Variants in ACSBG2 observed in about 807,000 individuals in gnomAD.
ACSBG2 encodes the protein acyl-CoA synthetase bubblegum family member 2, also known as long-chain-fatty-acid--CoA ligase ACSBG2.
ACSBG2 carries 62 observed loss-of-function variants against 74.7 expected under a neutral mutation model. That is an observed-to-expected ratio of 0.83 (90% CI 0.68 to 1.03). ACSBG2 has a LOEUF of 1.03. Ranked by LOEUF, ACSBG2 falls within the 50% of genes least tolerant of loss-of-function variation. The pLI is 0.00. For synonymous variants in ACSBG2, 309 were observed against 294.1 expected (o/e 1.05, Z -0.52); for missense variants, 730 against 817.6 (o/e 0.89, Z 1.31).
intron 1 of ACSBG2, among the ~76,000 whole-genome samples, chr19:6,141,019 C>T (rs74551154): frequency 0.036 from 5,497 of 152,184 alleles, 205 homozygotes; most frequent in African/African-American, 0.1. Context: ...AGCTTTTATA[C>T]TTTGGATGTA....
rs371867923 is a variant in ACSBG2 at position 6,138,272 on chromosome 19, C to T, written c.-32+2363C>T. 1.7e-4 allele frequency among the ~76,000 whole-genome samples: 26 copies of T among 152,086 alleles called. 1 individual carries two copies. Among genetic ancestry groups the T allele is most frequent in the East Asian group, 7.7e-4 (4 of 5,166 alleles). ...ACACAGTCAGTGGTGGAGTTCTTGG[C>T]GGCCTCGTGCACATCTTGTTTGAAT... On this transcript the variant is annotated intron_variant, in intron 1 of 14. Transcript: ENST00000588485.
intron 6 of ACSBG2, among the ~76,000 whole-genome samples, chr19:6,164,698 G>A (rs531643756): frequency 4.6e-4 from 70 of 152,232 alleles, no homozygotes; most frequent in Admixed American, 4.1e-3. Flanking sequence ...CCCAGTGCTG[G>A]GATTACAGGT....
intron 7 of ACSBG2, among the ~76,000 whole-genome samples, chr19:6,172,979 C>A (rs1347205421): frequency 6.6e-6 from 1 of 152,140 alleles, no homozygotes; most frequent in East Asian, 1.9e-4. Flanking sequence ...TTTATAAAGG[C>A]TTCATCCTTT....
At chr19:6,156,371 A>G (rs542485720) in intron 4 of ACSBG2, 60 bp from the exon 5 acceptor site, 301 of 1,513,936 alleles carry the variant, frequency 2.0e-4, no homozygotes, top group Non-Finnish European at 2.5e-4. Context: ...TTGACCTTCC[A>G]GACCATTCTG....
chr19:6,186,476 T>C (rs2090411893), intron 11 of ACSBG2, among the ~76,000 whole-genome samples: 2 of 152,226 alleles, frequency 1.3e-5, no homozygotes, highest in Non-Finnish European at 2.9e-5. Flanking sequence ...CTATGGGCCA[T>C]AGTTTGCCAA....
At chr19:6,159,280 G>A (rs1489044300) in intron 5 of ACSBG2, among the ~76,000 whole-genome samples, 3 of 152,070 alleles carry the variant, frequency 2.0e-5, no homozygotes, top group Admixed American at 1.3e-4. Flanking sequence ...GTGATGCATC[G>A]GTGGTTCCCA....
intron 14 of ACSBG2, 116 bp downstream of exon 14, chr19:6,190,808 T>TAAATAC: frequency 5.2e-6 from 2 of 387,400 alleles, no homozygotes; most frequent in Non-Finnish European, 9.4e-6. Flanking sequence ...CATACACACA[T>TAAATAC]ACATACACAC....
chr19:6,170,140 T>G (rs1187253291), intron 7 of ACSBG2, among the ~76,000 whole-genome samples: 1 of 152,130 alleles, frequency 6.6e-6, no homozygotes, highest in Non-Finnish European at 1.5e-5. Flanking sequence ...GTGGTGAAAG[T>G]GGATATCCTT....
At chr19:6,147,809 T>C in intron 3 of ACSBG2, 134 bp downstream of exon 3, 1 of 882,190 alleles carries the variant, frequency 1.1e-6, no homozygotes, top group South Asian at 1.6e-5. Context: ...TCCCTCTGAT[T>C]CATGAGCCTC....
chr19:6,136,290 C>T (rs1377060810), intron 1 of ACSBG2, among the ~76,000 whole-genome samples: 4 of 152,254 alleles, frequency 2.6e-5, no homozygotes, highest in African/African-American at 9.6e-5. Context: ...GATGGGGTTT[C>T]ACCACATTAG....
At chr19:6,144,529 G>A (rs2088960587) in intron 2 of ACSBG2, among the ~76,000 whole-genome samples, 1 of 152,170 alleles carries the variant, frequency 6.6e-6, no homozygotes, top group African/African-American at 2.4e-5. Context: ...GCCTCAGAAG[G>A]AACCAGTGCT....
chr19:6,147,072 G>A (rs995843546), intron 2 of ACSBG2, among the ~76,000 whole-genome samples: 14 of 152,120 alleles, frequency 9.2e-5, no homozygotes, highest in African/African-American at 3.1e-4. Context: ...GTGCACTCCA[G>A]CCTGCTGACA....
At chr19:6,176,539 A>C in intron 7 of ACSBG2, 8 of 349,850 alleles carry the variant, frequency 2.3e-5, no homozygotes, top group East Asian at 6.9e-5. Flanking sequence ...AGCACAGACA[A>C]TGGACATCTG....
intron 1 of ACSBG2, among the ~76,000 whole-genome samples, chr19:6,140,866 G>C (rs561391220): frequency 7.9e-5 from 12 of 152,298 alleles, no homozygotes; most frequent in African/African-American, 2.9e-4. Flanking sequence ...TCATAGGACT[G>C]AGTTTGAGCA....
Position 6,161,277 on chromosome 19 carries a change from G to C in ACSBG2, c.570G>C (p.Lys190Asn), listed in dbSNP as rs768800626. 1.9e-6 allele frequency: 3 copies of C among 1,610,084 alleles called. No homozygotes were observed. The highest frequency in any genetic ancestry group is 1.3e-5 in the African/African-American group (1 of 74,928). The change falls in exon 6 of 15, where the codon AAG (lysine) becomes AAC (asparagine). Residue 190 changes from lysine (K) to asparagine (N), a missense_variant. Coordinates refer to ENST00000588485, the MANE Select transcript of ACSBG2 (RefSeq NM_030924.5). ...AIIQYRLPMKKNNNLYSWDDF... is the reference protein window; with the variant it reads ...AIIQYRLPMKNNNNLYSWDDF... The stretch of plus-strand genomic sequence containing the variant: ...TCCAGTACAGACTGCCAATGAAGAA[G>C]AACAACAACTTGTACTCTGTAAGTG...
At chr19:6,138,240 G>A (rs2088655560) in intron 1 of ACSBG2, among the ~76,000 whole-genome samples, 1 of 151,960 alleles carries the variant, frequency 6.6e-6, no homozygotes, top group African/African-American at 2.4e-5. Context: ...TCTTCATGTC[G>A]TCTGAGACAC....
chr19:6,170,936 G>T (rs951315049), intron 7 of ACSBG2, among the ~76,000 whole-genome samples: 43 of 151,470 alleles, frequency 2.8e-4, no homozygotes, highest in African/African-American at 1.0e-3. Context: ...TCTTCTGGTT[G>T]AATTTAACCC....
chr19:6,179,483 T>G (rs1340872748), intron 8 of ACSBG2, among the ~76,000 whole-genome samples: 2 of 152,036 alleles, frequency 1.3e-5, no homozygotes, highest in African/African-American at 4.8e-5. Context: ...TTACAGTGAT[T>G]TTCTACATGT....
intron 7 of ACSBG2, among the ~76,000 whole-genome samples, chr19:6,168,763 T>C (rs1387641841): frequency 6.6e-6 from 1 of 152,168 alleles, no homozygotes; most frequent in African/African-American, 2.4e-5. Context: ...TTATAGATTC[T>C]GAATATTAGT....
Sources: gnomAD v4.1 joint callset for allele counts (sites outside exome capture counted in the v4.1 genomes callset) on GRCh38, gnomAD v4.1.1 for gene constraint, MANE v1.5 for transcripts, NCBI Gene and HGNC (gene_info 2026-07-23, HGNC 2026-07-21) for gene names.